Variants in MGAT5B observed in about 807,000 individuals in gnomAD.
MGAT5B encodes the protein alpha-1,6-mannosylglycoprotein 6-beta-N-acetylglucosaminyltransferase B.
Under a neutral mutation model 95.1 loss-of-function variants are expected in MGAT5B, and 54 were observed. The observed-to-expected ratio is 0.57, with a 90% CI of 0.46 to 0.71. The LOEUF (loss-of-function observed/expected upper bound fraction) is 0.71. Ranked by LOEUF, MGAT5B falls within the 30% of genes least tolerant of loss-of-function variation. The probability of loss-of-function intolerance (pLI) is 0.00; values close to 1 mark genes in which losing one functional copy is unlikely to be tolerated. For synonymous variants in MGAT5B, 464 were observed against 451.0 expected (o/e 1.03, Z -0.36); for missense variants, 935 against 1,088.6 (o/e 0.86, Z 1.99).
chr17:76,918,812 TG>T lies in MGAT5B; in HGVS notation c.1026-6153del, dbSNP rs2145223893. On this transcript the variant is annotated intron_variant, in intron 8 of 17. Transcript: ENST00000569840. The surrounding 1 kb of genome is among the most constrained non-coding windows in gnomAD (Gnocchi z 5.1). ...AGGCACCCAGTGAAGTTGTGGATCC[TG>T]CCTGCACTTCAGCCCCTGGAGTCAA... Among the ~76,000 whole-genome samples, 2 of 152,340 alleles carry T rather than the reference TG, an allele frequency of 1.3e-5. No individual in the cohort carries two copies. Among genetic ancestry groups the T allele is most frequent in the East Asian group, 3.9e-4 (2 of 5,180 alleles).
chr17:76,932,902 C>G (rs77698952), intron 11 of MGAT5B, 127 bp downstream of exon 11: 1 of 1,396,362 alleles, frequency 7.2e-7, no homozygotes, highest in Admixed American at 2.7e-5. Context: ...CTGGAAATGT[C>G]TCCCATGAAC....
intron 12 of MGAT5B, among the ~76,000 whole-genome samples, chr17:76,935,049 C>T (rs535890258): frequency 3.5e-4 from 54 of 152,266 alleles, no homozygotes; most frequent in African/African-American, 1.3e-3. Flanking sequence ...CTGCATTCCC[C>T]AGAAAGTGGA....
At chr17:76,881,133 A>T (rs1010589860) in intron 2 of MGAT5B, among the ~76,000 whole-genome samples, 1 of 152,304 alleles carries the variant, frequency 6.6e-6, no homozygotes, top group Non-Finnish European at 1.5e-5. Context: ...AAGCCTTCAG[A>T]TTTAATTAAA....
Position 76,940,314 on chromosome 17 carries a change from G to C in MGAT5B, c.1585-88G>C. 6.9e-7 allele frequency: 1 copy of C among 1,445,650 alleles called. No homozygotes were observed. Among genetic ancestry groups the C allele is most frequent in the Admixed American group, 2.4e-5 (1 of 41,422 alleles). 89.6% of individuals were successfully genotyped at this position (1,445,650 alleles called of 1,614,324 possible). A position where few individuals can be genotyped will look rare whatever the true frequency, so the allele number is the denominator to read the frequency against. On this transcript the variant is annotated intron_variant, in intron 13 of 17. Coordinates refer to ENST00000569840, the MANE Select transcript of MGAT5B (RefSeq NM_001199172.2). This position sits in a 1 kb window ranked among gnomAD's most constrained non-coding sequence, Gnocchi z 4.3. ...CCCAGCTGCCTCCTGTGAATATCCC[G>C]AAGCCTCACCTTGTCCCCGGCATCC...
intron 3 of MGAT5B, among the ~76,000 whole-genome samples, chr17:76,891,060 G>A (rs1967848320): frequency 6.7e-6 from 1 of 150,120 alleles, no homozygotes; most frequent in Non-Finnish European, 1.5e-5. Flanking sequence ...TGCCTCTCAG[G>A]TTCAAGCAAT....
chr17:76,907,528 T>G (rs499223), intron 8 of MGAT5B, among the ~76,000 whole-genome samples: 19,795 of 152,256 alleles, frequency 0.13, 1,666 homozygotes, highest in African/African-American at 0.2. Flanking sequence ...TCCATGTTCT[T>G]GCATGTAGCT....
At chr17:76,891,934 C>T (rs1360793485) in intron 3 of MGAT5B, among the ~76,000 whole-genome samples, 3 of 152,108 alleles carry the variant, frequency 2.0e-5, no homozygotes, top group African/African-American at 7.2e-5. Flanking sequence ...CCAAGCCCTC[C>T]GTGACCCTAA....
intron 3 of MGAT5B, among the ~76,000 whole-genome samples, chr17:76,901,066 C>T (rs575625551): frequency 1.4e-4 from 21 of 152,322 alleles, no homozygotes; most frequent in African/African-American, 4.8e-4. Flanking sequence ...TTTGCTCCCA[C>T]CTGTCACCCT....
At chr17:76,882,077 T>A in intron 2 of MGAT5B, 74 bp from the exon 3 acceptor site, 1 of 1,503,512 alleles carries the variant, frequency 6.7e-7, no homozygotes, top group Non-Finnish European at 9.0e-7. Flanking sequence ...TTGTCTGAGC[T>A]GCCCCAGCTC....
At chr17:76,908,941 G>T (rs1157886002) in intron 8 of MGAT5B, among the ~76,000 whole-genome samples, 3 of 151,764 alleles carry the variant, frequency 2.0e-5, no homozygotes, top group Non-Finnish European at 4.4e-5. Context: ...CGAGTAGCTG[G>T]GATTACAGGC....
chr17:76,946,855 G>A (rs1032971883), intron 16 of MGAT5B, among the ~76,000 whole-genome samples: 2 of 152,246 alleles, frequency 1.3e-5, no homozygotes, highest in African/African-American at 4.8e-5. Context: ...GGGAGATTAG[G>A]ATCTCTGCCC....
rs142228172 is a variant in MGAT5B at position 76,940,574 on chromosome 17, G to T, written c.1731+26G>T. The T allele has an allele frequency of 3.8e-6, 6 of 1,596,094 alleles. No homozygotes were observed. Among genetic ancestry groups the T allele is most frequent in the African/African-American group, 1.3e-5 (1 of 74,604 alleles). ...GTGAGTGGAAAGCATCCTGGTCCCC[G>T]ATCAGGAGGGGCCGGGACAGAGACC... On this transcript the variant is annotated intron_variant, in intron 14 of 17. Coordinates refer to ENST00000569840, the MANE Select transcript of MGAT5B (RefSeq NM_001199172.2). The surrounding 1 kb of genome is among the most constrained non-coding windows in gnomAD (Gnocchi z 4.3).
Position 76,926,587 on chromosome 17 carries a change from G to A in MGAT5B, c.1158-10G>A. 1 of 1,601,086 alleles carries A rather than the reference G, an allele frequency of 6.2e-7. No individual in the cohort carries two copies. Among genetic ancestry groups the A allele is most frequent in the Non-Finnish European group, 8.5e-7 (1 of 1,172,572 alleles). On this transcript the variant is annotated splice_polypyrimidine_tract_variant and intron_variant, in intron 9 of 17. Transcript: ENST00000569840. ...TGCTGACCCTGGTTCCTGGTCCCCT[G>A]GGGGGGCAGGTGCCGAATCAGGGTC...
chr17:76,886,229 G>A (rs758556706), intron 3 of MGAT5B, among the ~76,000 whole-genome samples: 4 of 152,244 alleles, frequency 2.6e-5, no homozygotes, highest in East Asian at 1.9e-4. Flanking sequence ...TGCCTAGTGT[G>A]TGCAGAGTCT....
chr17:76,948,095 T>TC lies in MGAT5B; in HGVS notation c.2180+14dup, dbSNP rs747839456. The TC allele has an allele frequency of 1.9e-6, 3 of 1,562,166 alleles. No individual in the cohort carries two copies. The highest frequency in any genetic ancestry group is 1.8e-5 in the Admixed American group (1 of 56,126). ...CAGGACGCCTTCCTCAAGTGAGTGTTCCCCCACCCTCCCCACCCAGCCGCT... is the reference window on the plus strand; with the variant it reads ...CAGGACGCCTTCCTCAAGTGAGTGTTCCCCCCACCCTCCCCACCCAGCCGCT... On this transcript the variant is annotated intron_variant, in intron 17 of 17. Coordinates refer to ENST00000569840, the MANE Select transcript of MGAT5B (RefSeq NM_001199172.2).
intron 3 of MGAT5B, among the ~76,000 whole-genome samples, chr17:76,887,893 G>T (rs757512740): frequency 3.3e-5 from 5 of 151,736 alleles, no homozygotes; most frequent in Non-Finnish European, 7.4e-5. Flanking sequence ...AAGTGTCCAG[G>T]TCCCTCCTCT....
intron 10 of MGAT5B, among the ~76,000 whole-genome samples, chr17:76,931,153 G>C (rs1287336658): frequency 6.6e-6 from 1 of 152,224 alleles, no homozygotes; most frequent in East Asian, 1.9e-4. Flanking sequence ...CTGGAGTGTA[G>C]TGGCGTGATC....
intron 6 of MGAT5B, 117 bp downstream of exon 6, chr17:76,904,539 G>A: frequency 8.2e-7 from 1 of 1,225,386 alleles, no homozygotes; most frequent in Non-Finnish European, 1.1e-6. Context: ...CCAGGTGTGT[G>A]GGCAGGTCCG....
chr17:76,923,100 C>T (rs1413697315), intron 8 of MGAT5B, among the ~76,000 whole-genome samples: 1 of 152,196 alleles, frequency 6.6e-6, no homozygotes, highest in Non-Finnish European at 1.5e-5. Flanking sequence ...GACACGGCAC[C>T]ACTTTGGACG....
Sources: gnomAD v4.1 joint callset for allele counts (sites outside exome capture counted in the v4.1 genomes callset) on GRCh38, gnomAD v4.1.1 for gene constraint, Gnocchi (gnomAD v3.1) non-coding constraint, MANE v1.5 for transcripts, NCBI Gene and HGNC (gene_info 2026-07-23, HGNC 2026-07-21) for gene names.